The following OPHN1 variants were observed in gnomAD, a reference collection of about 807,000 sequenced individuals.
OPHN1 encodes the protein oligophrenin-1.
In OPHN1, 11 loss-of-function variants were observed where a neutral mutation model predicts 60.7. The observed-to-expected ratio is 0.18, with a 90% confidence interval of 0.11 to 0.30. The LOEUF is 0.30. OPHN1 is among the 10% of genes least tolerant of loss of function. The probability of loss-of-function intolerance (pLI) is 1.00; values close to 1 mark genes in which losing one functional copy is unlikely to be tolerated. For missense variants in OPHN1, 449 were observed against 611.0 expected (o/e 0.73, Z 2.80); for synonymous variants, 226 against 222.6 (o/e 1.02, Z -0.14).
rs185548924 is a variant in OPHN1, at chrX:68,062,707, T to C, written c.2158+1147A>G. ...TAACCATTTTTTAAGGTTTTACATT[T>C]TGCTATATTGTGAAATTCCTTAAAG... On this transcript the variant is annotated intron_variant, in intron 21 of 24. Coordinates refer to ENST00000355520, the MANE Select transcript of OPHN1 (RefSeq NM_002547.3). Among the ~76,000 whole-genome samples, 220 of 112,414 alleles carry C rather than the reference T, an allele frequency of 2.0e-3. 1 individual carries two copies. Among genetic ancestry groups the C allele is most frequent in the African/African-American group, 6.9e-3 (213 of 30,938 alleles).
At position 68,073,476 on chromosome X, in the gene OPHN1, G is replaced by C. The variant is rs191660284; in HGVS notation, c.1687-177C>G. The stretch of plus-strand genomic sequence containing the variant: ...ACTCTAGCTACAGGTAAATGTTTAG[G>C]TATCTCCTACTATGCTCAAGGCACA... On this transcript the variant is annotated intron_variant, in intron 19 of 24. Transcript: ENST00000355520. Among the ~76,000 whole-genome samples, 672 of 111,890 alleles carry C rather than the reference G, an allele frequency of 6.0e-3. 4 individuals are homozygous for C. Among genetic ancestry groups the C allele is most frequent in the Middle Eastern group, 9.3e-3 (2 of 214 alleles).
intron 5 of OPHN1, among the ~76,000 whole-genome samples, chrX:68,269,227 G>GA (rs941693591): frequency 9.0e-6 from 1 of 111,417 alleles, no homozygotes; most frequent in Admixed American, 9.6e-5. Context: ...CACAGAATTG[G>GA]AAAAAACTAC....
rs770259493 is a variant in OPHN1, at chrX:68,375,608, G to T, written c.154+57259C>A. Reference sequence around the variant, plus strand: ...TCTTCTCTTTCTATGTAGATGCAGGGTCTTCCTCTGTTGTCCAGGATGGTC... The same window carrying T: ...TCTTCTCTTTCTATGTAGATGCAGGTTCTTCCTCTGTTGTCCAGGATGGTC... On this transcript the variant is annotated intron_variant, in intron 2 of 24. Coordinates refer to ENST00000355520, the MANE Select transcript of OPHN1 (RefSeq NM_002547.3). Among the ~76,000 whole-genome samples the T allele has an allele frequency of 5.3e-4, 59 of 111,021 alleles. 1 individual carries two copies. The highest frequency in any genetic ancestry group is 3.5e-3 in the South Asian group (9 of 2,605).
In OPHN1 at chrX:68,135,077, G is replaced by A. The variant is rs200936253; in HGVS notation, c.1277-15745C>T. On this transcript the variant is annotated intron_variant, in intron 15 of 24. Transcript: ENST00000355520. ...CAGGACTTATTTTGAAAAAATCTGA[G>A]TTTAATTCAAATGCATGCCAATACC... Among the ~76,000 whole-genome samples, 26 of 110,996 alleles carry A rather than the reference G, an allele frequency of 2.3e-4. No individual in the cohort carries two copies. The South Asian group carries it at 9.3e-3, about 40-fold the overall frequency.
chrX:68,110,632 TA>T (rs941965076), intron 18 of OPHN1, among the ~76,000 whole-genome samples: 1 of 112,206 alleles, frequency 8.9e-6, no homozygotes, highest in African/African-American at 3.2e-5. Context: ...AACTTTAAAT[TA>T]ACATGCAAAT....
At chrX:68,376,420 T>G (rs2078557301) in intron 2 of OPHN1, among the ~76,000 whole-genome samples, 1 of 110,821 alleles carries the variant, frequency 9.0e-6, no homozygotes, top group African/African-American at 3.3e-5. Context: ...AATTGGGGAT[T>G]GGGGGAGCAT....
At chrX:68,303,296 C>G (rs1030905878) in intron 2 of OPHN1, among the ~76,000 whole-genome samples, 29 of 111,820 alleles carry the variant, frequency 2.6e-4, no homozygotes, top group Non-Finnish European at 2.1e-4. Flanking sequence ...TATTGCAGCA[C>G]CTATTCACAA....
intron 9 of OPHN1, among the ~76,000 whole-genome samples, chrX:68,208,972 A>G (rs1285011527): frequency 8.9e-6 from 1 of 112,620 alleles, no homozygotes; most frequent in Non-Finnish European, 1.9e-5. Context: ...GACAAGTGGG[A>G]GAACACATCT....
chrX:68,410,945 AAG>A (rs1334707017), intron 2 of OPHN1, among the ~76,000 whole-genome samples: 11 of 112,126 alleles, frequency 9.8e-5, no homozygotes, highest in African/African-American at 3.6e-4. Context: ...CAGCCGTAAA[AAG>A]AAATGAAATT....
At chrX:68,261,761 C>T (rs1001293234) in intron 5 of OPHN1, among the ~76,000 whole-genome samples, 4 of 111,671 alleles carry the variant, frequency 3.6e-5, no homozygotes, top group African/African-American at 1.3e-4. Context: ...CTTACATTAA[C>T]CCAATATAAG....
chrX:68,396,398 CAAAAAAAAAA>C (rs57880548), intron 2 of OPHN1, among the ~76,000 whole-genome samples: 1 of 39,286 alleles, frequency 2.5e-5, no homozygotes, highest in African/African-American at 8.1e-5. Flanking sequence ...CCACTGCTCT[CAAAAAAAAAA>C]AAAAAAAAAA....
chrX:68,139,225 C>T (rs2077232704), intron 15 of OPHN1, among the ~76,000 whole-genome samples: 2 of 111,578 alleles, frequency 1.8e-5, no homozygotes, highest in African/African-American at 6.5e-5. Context: ...CTGATTCAAA[C>T]AACCAAACTG....
intron 15 of OPHN1, among the ~76,000 whole-genome samples, chrX:68,136,179 ATG>A (rs1207071748): frequency 1.2e-3 from 135 of 109,673 alleles, no homozygotes; most frequent in South Asian, 5.1e-3. Flanking sequence ...TATTAAATAT[ATG>A]TGTGTGTGTG....
intron 2 of OPHN1, among the ~76,000 whole-genome samples, chrX:68,351,867 T>C (rs1223414211): frequency 1.2e-5 from 1 of 83,877 alleles, no homozygotes; most frequent in Non-Finnish European, 2.2e-5. Flanking sequence ...TGGCTAATTT[T>C]TTTTTCTTTT....
At chrX:68,399,938 G>A (rs958285234) in intron 2 of OPHN1, among the ~76,000 whole-genome samples, 3 of 107,766 alleles carry the variant, frequency 2.8e-5, no homozygotes, top group African/African-American at 6.7e-5. Context: ...CAATTCTCCC[G>A]CCTCAGCCTT....
intron 2 of OPHN1, among the ~76,000 whole-genome samples, chrX:68,404,359 C>G (rs1179062591): frequency 1.8e-5 from 2 of 110,623 alleles, no homozygotes; most frequent in Non-Finnish European, 3.8e-5. Flanking sequence ...AGGGTTTCAC[C>G]ATGTTGGCCA....
intron 5 of OPHN1, among the ~76,000 whole-genome samples, chrX:68,244,057 A>G (rs1319672663): frequency 8.9e-6 from 1 of 112,609 alleles, no homozygotes; most frequent in African/African-American, 3.2e-5. Flanking sequence ...AAAATCCCCT[A>G]TGATCTGGCC....
chrX:68,240,592 T>C (rs1235786186), intron 5 of OPHN1, among the ~76,000 whole-genome samples: 1 of 111,811 alleles, frequency 8.9e-6, no homozygotes, highest in African/African-American at 3.2e-5. Flanking sequence ...TAATATTTCA[T>C]TTATTTTACT....
At chrX:68,056,299 C>A (rs749166720) in intron 21 of OPHN1, among the ~76,000 whole-genome samples, 73 of 110,845 alleles carry the variant, frequency 6.6e-4, no homozygotes, top group East Asian at 3.4e-3. Flanking sequence ...AAATCTCAAC[C>A]CTCTGAACAC....
Sources: allele counts gnomAD v4.1 joint callset (sites outside exome capture counted in the v4.1 genomes callset), GRCh38; gene constraint gnomAD v4.1.1; transcripts MANE v1.5; gene names NCBI Gene and HGNC (gene_info 2026-07-23, HGNC 2026-07-21).